NALCN: variants seen among roughly 807,000 people sequenced by gnomAD.
NALCN encodes the protein sodium leak channel NALCN.
Under a neutral mutation model 225.3 loss-of-function variants are expected in NALCN, and 111 were observed. The ratio of observed to expected loss-of-function variants is 0.49; its 90% CI spans 0.42 to 0.58. The LOEUF is 0.58. Ranked by LOEUF, NALCN falls within the 20% of genes least tolerant of loss-of-function variation. The pLI, the probability that NALCN is intolerant of heterozygous loss-of-function variation, is 0.00. For synonymous variants in NALCN, 764 were observed against 769.0 expected, an observed-to-expected ratio of 0.99 and a Z score of 0.11; for missense variants, 1,378 against 2,202.4, an observed-to-expected ratio of 0.63 and a Z score of 7.49.
chr13:101,192,577 C>A (rs2039725060), intron 13 of NALCN, among the ~76,000 whole-genome samples: 1 of 151,970 alleles, frequency 6.6e-6, no homozygotes, highest in Non-Finnish European at 1.5e-5. Flanking sequence ...TATTGCCACA[C>A]TGGACAGCTT....
At chr13:101,297,833 G>A (rs2043812404) in intron 7 of NALCN, among the ~76,000 whole-genome samples, 1 of 152,096 alleles carries the variant, frequency 6.6e-6, no homozygotes, top group South Asian at 2.1e-4. Flanking sequence ...GAACAAAATG[G>A]CAACTTTCTT....
Position 101,080,171 on chromosome 13 carries a change from T to C in NALCN, c.3885+1356A>G, listed in dbSNP as rs139535294. 1.1e-3 allele frequency among the ~76,000 whole-genome samples: 170 copies of C among 152,256 alleles called. 4 individuals are homozygous for C. In the East Asian group the frequency reaches 0.031, roughly 27 times the overall value. ...ATTCAGAGCAGGAAACAAAGGATCA[T>C]TGAAGGCAAATAAATTAGTCAAGGC... is the stretch of plus-strand genomic sequence containing the variant. On this transcript the variant is annotated intron_variant, in intron 34 of 43. Coordinates refer to ENST00000251127, the MANE Select transcript of NALCN (RefSeq NM_052867.4).
chr13:101,400,846 C>T (rs13378396), intron 1 of NALCN, among the ~76,000 whole-genome samples: 5,630 of 152,094 alleles, frequency 0.037, 345 homozygotes, highest in African/African-American at 0.13. Flanking sequence ...ATTATGGTGG[C>T]GGTTTCCCCC....
chr13:101,176,282 C>A lies in NALCN; in HGVS notation c.1839+18G>T. The stretch of plus-strand genomic sequence containing the variant: ...GTTTTTTGTCCTTTTTAAAAAAAAT[C>A]CCCCACACACTACTTACTTGTTTAA... On this transcript the variant is annotated intron_variant, in intron 15 of 43. Transcript: ENST00000251127. 1 of 1,494,496 alleles carries A rather than the reference C, an allele frequency of 6.7e-7. No individual in the cohort carries two copies. Among genetic ancestry groups the A allele is most frequent in the Admixed American group, 2.5e-5 (1 of 40,518 alleles). The allele number at this position is 1,494,496 out of a possible 1,614,324, so 92.6% of individuals were successfully genotyped here.
At position 101,055,207 on chromosome 13, in the gene NALCN, G is replaced by T; in HGVS notation, c.*88C>A. ...TGTGACAAGCTGGAATTCAGTTATA[G>T]ATCAATTACAGATTGCTCACTGGAC... On this transcript the variant is annotated 3_prime_UTR_variant, in exon 44 of 44. Coordinates refer to ENST00000251127, the MANE Select transcript of NALCN (RefSeq NM_052867.4). 1 of 1,020,614 alleles carries T rather than the reference G, an allele frequency of 9.8e-7. No individual in the cohort carries two copies. The highest frequency in any genetic ancestry group is 1.5e-6 in the Non-Finnish European group (1 of 686,702). 63.2% of individuals were successfully genotyped at this position (1,020,614 alleles called of 1,614,324 possible).
intron 7 of NALCN, among the ~76,000 whole-genome samples, chr13:101,310,427 T>C (rs566786): frequency 0.017 from 2,559 of 152,186 alleles, 70 homozygotes; most frequent in African/African-American, 0.058. Flanking sequence ...GCAAGGGCTG[T>C]TCCCGATGCC....
At chr13:101,092,044 G>A (rs2034260435) in intron 28 of NALCN, among the ~76,000 whole-genome samples, 1 of 152,152 alleles carries the variant, frequency 6.6e-6, no homozygotes, top group South Asian at 2.1e-4. Context: ...TAACTACGGA[G>A]TCCTTCAATA....
At chr13:101,397,071 T>C (rs1458705312) in intron 2 of NALCN, among the ~76,000 whole-genome samples, 30 of 41,268 alleles carry the variant, frequency 7.3e-4, no homozygotes, top group Non-Finnish European at 8.4e-4. Context: ...ATGTATTATA[T>C]ATATATATAT....
chr13:101,279,014 T>C (rs2043057478), intron 10 of NALCN, among the ~76,000 whole-genome samples: 1 of 152,174 alleles, frequency 6.6e-6, no homozygotes, highest in Non-Finnish European at 1.5e-5. Context: ...ATAAACATAA[T>C]TGATCATCTC....
chr13:101,321,968 T>C (rs1346381373), intron 7 of NALCN, among the ~76,000 whole-genome samples: 1 of 152,128 alleles, frequency 6.6e-6, no homozygotes, highest in Non-Finnish European at 1.5e-5. Flanking sequence ...ATTCAAGAAA[T>C]ATATGAACTG....
chr13:101,329,555 A>G (rs2045084228), intron 7 of NALCN, among the ~76,000 whole-genome samples: 1 of 152,216 alleles, frequency 6.6e-6, no homozygotes, highest in Admixed American at 6.5e-5. Context: ...AAAAAATACT[A>G]AAAATAATAA....
chr13:101,127,405 T>TTGGA (rs1209235985), intron 17 of NALCN, among the ~76,000 whole-genome samples: 1 of 152,158 alleles, frequency 6.6e-6, no homozygotes, highest in Non-Finnish European at 1.5e-5. Context: ...GTTGCCCAGG[T>TTGGA]TGGAGGGCAG....
intron 17 of NALCN, among the ~76,000 whole-genome samples, chr13:101,131,574 G>T (rs2036522744): frequency 6.6e-6 from 1 of 151,900 alleles, no homozygotes. Flanking sequence ...CTTGTTCCTG[G>T]CCTGTTCAAT....
At chr13:101,259,978 C>A (rs1195496714) in intron 10 of NALCN, among the ~76,000 whole-genome samples, 1 of 124,508 alleles carries the variant, frequency 8.0e-6, no homozygotes, top group Non-Finnish European at 1.8e-5. Context: ...TCTATTCTTT[C>A]TATTTTTTTT....
intron 7 of NALCN, among the ~76,000 whole-genome samples, chr13:101,333,406 C>T (rs182176454): frequency 1.2e-4 from 19 of 152,252 alleles, no homozygotes; most frequent in Middle Eastern, 3.4e-3. Flanking sequence ...ATTCCAGAAT[C>T]CCAAGTCCTA....
chr13:101,368,989 G>A, intron 6 of NALCN: 1 of 362,286 alleles, frequency 2.8e-6, no homozygotes, highest in Non-Finnish European at 5.4e-6. Context: ...CTGGGTGTCA[G>A]AGTGAGAGTC....
intron 6 of NALCN, among the ~76,000 whole-genome samples, chr13:101,365,112 T>A (rs972404497): frequency 6.6e-6 from 1 of 152,192 alleles, no homozygotes; most frequent in Non-Finnish European, 1.5e-5. Context: ...CTGCGTGTCA[T>A]GCGAGCGTGG....
At chr13:101,229,362 A>AGTT (rs2041261152) in intron 13 of NALCN, 31 bp downstream of exon 13, 1 of 1,500,020 alleles carries the variant, frequency 6.7e-7, no homozygotes, top group Admixed American at 2.4e-5. Flanking sequence ...AGAACAATGA[A>AGTT]TTTAACTTAC....
chr13:101,108,378 T>C (rs1453794242), intron 20 of NALCN, among the ~76,000 whole-genome samples: 1 of 152,068 alleles, frequency 6.6e-6, no homozygotes, highest in East Asian at 1.9e-4. Context: ...CTTATTCTCA[T>C]AGGATGTTCT....
Sources: gnomAD v4.1 joint callset for allele counts (sites outside exome capture counted in the v4.1 genomes callset) on GRCh38, gnomAD v4.1.1 for gene constraint, MANE v1.5 for transcripts, NCBI Gene and HGNC (gene_info 2026-07-23, HGNC 2026-07-21) for gene names.